Variants in GRAP2 observed in about 807,000 individuals in gnomAD.
The protein encoded by GRAP2 is GRB2 related adaptor protein 2.
A neutral mutation model predicts 43.5 loss-of-function variants in GRAP2; 31 were observed. The observed-to-expected ratio is 0.71, with a 90% CI of 0.54 to 0.96. The LOEUF (loss-of-function observed/expected upper bound fraction) is 0.96. Among genes scored for constraint, GRAP2 ranks in the 40% least tolerant of loss-of-function variants. The pLI is 0.00. For missense variants in GRAP2, 371 were observed against 424.4 expected, an observed-to-expected ratio of 0.87 and a Z score of 1.11; for synonymous variants, 156 against 164.8, an observed-to-expected ratio of 0.95 and a Z score of 0.41.
In GRAP2 at chr22:39,971,150, C is replaced by G. The variant is rs537029404; in HGVS notation, c.*66C>G. 2.4e-6 allele frequency: 3 copies of G among 1,266,586 alleles called. No individual in the cohort carries two copies. Among genetic ancestry groups the G allele is most frequent in the Non-Finnish European group, 3.4e-6 (3 of 885,546 alleles). 78.5% of individuals were successfully genotyped at this position (1,266,586 alleles called of 1,614,324 possible). A position where few individuals can be genotyped will look rare whatever the true frequency, so the allele number is the denominator to read the frequency against. On this transcript the variant is annotated 3_prime_UTR_variant, in exon 8 of 8. Coordinates refer to ENST00000344138, the MANE Select transcript of GRAP2 (RefSeq NM_004810.4). ...CAAGAAAGAGGGCAAGGAAAAAAGG[C>G]TGGACTCCATGACTATATATACATA...
intron 1 of GRAP2, among the ~76,000 whole-genome samples, chr22:39,925,083 G>A (rs2066686067): frequency 6.6e-6 from 1 of 152,266 alleles, no homozygotes; most frequent in South Asian, 2.1e-4. Flanking sequence ...GACTGAGGAT[G>A]ACTTTGAATG....
At chr22:39,970,083 A>G (rs1237955314) in intron 7 of GRAP2, among the ~76,000 whole-genome samples, 1 of 152,028 alleles carries the variant, frequency 6.6e-6, no homozygotes, top group African/African-American at 2.4e-5. Flanking sequence ...TATCATCTTT[A>G]TCATAGTCCT....
intron 1 of GRAP2, among the ~76,000 whole-genome samples, chr22:39,935,281 A>T (rs531688736): frequency 2.0e-5 from 3 of 152,322 alleles, no homozygotes; most frequent in Admixed American, 6.5e-5. Context: ...CAACGTAAAC[A>T]ATTCACCAAG....
At chr22:39,959,851 G>A (rs888970862) in intron 3 of GRAP2, among the ~76,000 whole-genome samples, 1 of 152,214 alleles carries the variant, frequency 6.6e-6, no homozygotes, top group Non-Finnish European at 1.5e-5. Flanking sequence ...GGAACAAAGA[G>A]GGTGAATCAA....
Position 39,927,805 on chromosome 22 carries a change from A to G in GRAP2, c.-14-19288A>G, listed in dbSNP as rs564300527. Among the ~76,000 whole-genome samples, 3 of 152,326 alleles carry G rather than the reference A, an allele frequency of 2.0e-5. No individual in the cohort carries two copies. In the East Asian group the frequency reaches 5.8e-4, roughly 29 times the overall value. ...CTGAGGCCCCTTCCCAATGGCTACA[A>G]CAGGGTAAGGGGACCCTGTCCTTCT... On this transcript the variant is annotated intron_variant, in intron 1 of 7. Coordinates refer to ENST00000344138, the MANE Select transcript of GRAP2 (RefSeq NM_004810.4).
At chr22:39,921,507 G>A (rs1167213478) in intron 1 of GRAP2, among the ~76,000 whole-genome samples, 2 of 152,180 alleles carry the variant, frequency 1.3e-5, no homozygotes, top group African/African-American at 2.4e-5. Context: ...TCTTTGAAGC[G>A]CTTTCATCTC....
intron 1 of GRAP2, among the ~76,000 whole-genome samples, chr22:39,936,075 T>C (rs1279408519): frequency 2.6e-5 from 4 of 152,148 alleles, no homozygotes; most frequent in Non-Finnish European, 5.9e-5. Context: ...TGGTGATATA[T>C]TCCAGGGGAA....
intron 5 of GRAP2, among the ~76,000 whole-genome samples, chr22:39,967,220 T>C (rs1209373912): frequency 2.6e-5 from 4 of 152,126 alleles, no homozygotes; most frequent in African/African-American, 9.7e-5. Context: ...GAGAAGTTAC[T>C]GCCAAAGGAG....
intron 4 of GRAP2, among the ~76,000 whole-genome samples, chr22:39,961,392 A>C (rs2067118393): frequency 6.6e-6 from 1 of 152,210 alleles, no homozygotes; most frequent in South Asian, 2.1e-4. Context: ...CGAAGCACTC[A>C]GCATGCCAAG....
intron 4 of GRAP2, among the ~76,000 whole-genome samples, chr22:39,961,580 T>TG (rs2067120397): frequency 6.6e-6 from 1 of 152,132 alleles, no homozygotes; most frequent in Admixed American, 6.5e-5. Context: ...CCATAGGAAG[T>TG]GACTCAGTCC....
intron 1 of GRAP2, among the ~76,000 whole-genome samples, chr22:39,902,905 G>A (rs1323404434): frequency 6.6e-6 from 1 of 152,140 alleles, no homozygotes; most frequent in East Asian, 1.9e-4. Flanking sequence ...TTTGACTCTT[G>A]ATCATTTTCT....
chr22:39,962,796 C>T (rs2067133130), intron 4 of GRAP2, among the ~76,000 whole-genome samples: 1 of 151,938 alleles, frequency 6.6e-6, no homozygotes, highest in African/African-American at 2.4e-5. Flanking sequence ...GTAGCTGGGA[C>T]CATGGGTTCG....
intron 7 of GRAP2, among the ~76,000 whole-genome samples, chr22:39,970,033 C>T (rs2067221726): frequency 1.3e-5 from 2 of 152,206 alleles, no homozygotes; most frequent in Admixed American, 6.5e-5. Flanking sequence ...AGTCTGGTGC[C>T]AGGCCTTCCC....
At chr22:39,914,729 G>A (rs370599270) in intron 1 of GRAP2, among the ~76,000 whole-genome samples, 2 of 151,982 alleles carry the variant, frequency 1.3e-5, no homozygotes, top group African/African-American at 4.8e-5. Context: ...TAAAGTAGTC[G>A]CAAAAGTGCA....
At chr22:39,903,931 T>C (rs1473957766) in intron 1 of GRAP2, among the ~76,000 whole-genome samples, 1 of 152,216 alleles carries the variant, frequency 6.6e-6, no homozygotes, top group Non-Finnish European at 1.5e-5. Flanking sequence ...TTCAATAAAC[T>C]TGAGTCAGTA....
intron 1 of GRAP2, among the ~76,000 whole-genome samples, chr22:39,902,264 A>C (rs1388329718): frequency 6.6e-6 from 1 of 152,222 alleles, no homozygotes; most frequent in African/African-American, 2.4e-5. Flanking sequence ...TCTATGCAGC[A>C]ATGTTTGTCA....
chr22:39,914,295 A>T (rs960673070), intron 1 of GRAP2, among the ~76,000 whole-genome samples: 4 of 152,140 alleles, frequency 2.6e-5, no homozygotes, highest in Non-Finnish European at 4.4e-5. Flanking sequence ...TAGTTGGAGC[A>T]CTAGTCCTTA....
intron 5 of GRAP2, 99 bp downstream of exon 5, chr22:39,966,257 T>C: frequency 1.2e-6 from 1 of 856,198 alleles, no homozygotes; most frequent in African/African-American, 1.7e-5. Flanking sequence ...GTAGATCCTC[T>C]GAGTATACTG....
At chr22:39,897,501 T>G (rs2066470403), upstream of GRAP2, among the ~76,000 whole-genome samples, 1 of 151,466 alleles carries the variant, frequency 6.6e-6, no homozygotes, top group Admixed American at 6.6e-5. Context: ...TGGTCTGGAC[T>G]ATGAAAGTAG....
Sources: gnomAD v4.1 joint callset for allele counts (sites outside exome capture counted in the v4.1 genomes callset) on GRCh38, gnomAD v4.1.1 for gene constraint, MANE v1.5 for transcripts, NCBI Gene and HGNC (gene_info 2026-07-23, HGNC 2026-07-21) for gene names.